The following CLPTM1L variants were observed in gnomAD, a reference collection of about 807,000 sequenced individuals.
CLPTM1L encodes lipid scramblase CLPTM1L.
CLPTM1L carries 38 observed loss-of-function variants against 70.9 expected under a neutral mutation model. That is an observed-to-expected ratio of 0.54 (90% confidence interval 0.41 to 0.70). The LOEUF is 0.70. Ranked by LOEUF, CLPTM1L falls within the 30% of genes least tolerant of loss-of-function variation. The pLI is 0.00. For missense variants in CLPTM1L, 652 were observed against 705.9 expected, an observed-to-expected ratio of 0.92 and a Z score of 0.87; for synonymous variants, 339 against 299.9, an observed-to-expected ratio of 1.13 and a Z score of -1.35.
chr5:1,331,421 G>A (rs762690537), intron 8 of CLPTM1L: 2 of 285,958 alleles, frequency 7.0e-6, no homozygotes, highest in African/African-American at 4.3e-5. Flanking sequence ...GGGAGGACGG[G>A]GCGAGGGAAC....
Position 1,322,930 on chromosome 5 carries a change from G to A in CLPTM1L, c.1281-19C>T, listed in dbSNP as rs753672415. The A allele has an allele frequency of 2.5e-6, 4 of 1,611,874 alleles. No homozygotes were observed. The highest frequency in any genetic ancestry group is 2.5e-6 in the Non-Finnish European group (3 of 1,178,048). On this transcript the variant is annotated intron_variant, in intron 12 of 16. Transcript: ENST00000320895. ...GTACCAGCTGAAACGGAAAAAAAAG[G>A]AGAAGTCCTATTTCTCGCATAGCTT...
chr5:1,330,400 C>T lies in CLPTM1L; in HGVS notation c.977-17G>A, dbSNP rs761727904. The T allele has an allele frequency of 8.1e-6, 13 of 1,609,408 alleles. No homozygotes were observed. The highest frequency in any genetic ancestry group is 7.7e-5 in the South Asian group (7 of 90,992). ...GCCAGAGCACTGGGGACAGGATGGT[C>T]GGGCTGGGAGGGGGTGCAGGGCAGA... On this transcript the variant is annotated splice_polypyrimidine_tract_variant and intron_variant, in intron 8 of 16. Transcript: ENST00000320895.
intron 2 of CLPTM1L, among the ~76,000 whole-genome samples, chr5:1,343,477 C>T (rs540850483): frequency 7.7e-4 from 117 of 152,290 alleles, no homozygotes; most frequent in Non-Finnish European, 4.9e-4. Context: ...CGGCCCGGCA[C>T]GGAAGAGGCA....
Position 1,323,827 on chromosome 5 carries a change from C to T in CLPTM1L, c.1240G>A (p.Gly414Arg), listed in dbSNP as rs1205734087. 7 of 1,613,754 alleles carry T rather than the reference C, an allele frequency of 4.3e-6. No homozygotes were observed. The highest frequency in any genetic ancestry group is 2.2e-5 in the East Asian group (1 of 44,904). Residue 414 changes from glycine (G) to arginine (R), a missense_variant, in exon 12 of 17, where the codon GGG becomes AGG. Physicochemically the swap from Gly to Arg is moderately radical, Grantham distance 125. Around this residue, in one of 3 missense-constraint regions of CLPTM1L, gnomAD observed 240 missense variants for 295.0 expected, o/e 0.81. Coordinates refer to ENST00000320895, the MANE Select transcript of CLPTM1L (RefSeq NM_030782.5). ...LSYLLYPLCV[G>R]GAVYSLLNIK... Reference sequence around the variant, plus strand: ...TTCAGGAGTGAATAGACAGCACCCCCGACACAGAGAGGGTACAGCAGGTAT... The same window carrying T: ...TTCAGGAGTGAATAGACAGCACCCCTGACACAGAGAGGGTACAGCAGGTAT...
At position 1,342,060 on chromosome 5, in the gene CLPTM1L, C is replaced by G. The variant is rs189904509; in HGVS notation, c.264-200G>C. 7.2e-6 allele frequency among the ~76,000 whole-genome samples: 1 copy of G among 139,650 alleles called. No individual in the cohort carries two copies. Among genetic ancestry groups the G allele is most frequent in the African/African-American group, 3.0e-5 (1 of 33,478 alleles). The allele number at this position is 139,650 out of a possible 152,430, so 91.6% of individuals were successfully genotyped here. A position where few individuals can be genotyped will look rare whatever the true frequency, so the allele number is the denominator to read the frequency against. ...TGTGTGCACGCGCACGCGTGCGCGTCCTGAGAACTCGGCACAGGTGTGGGC... is the reference window on the plus strand; with the variant it reads ...TGTGTGCACGCGCACGCGTGCGCGTGCTGAGAACTCGGCACAGGTGTGGGC... On this transcript the variant is annotated intron_variant, in intron 2 of 16. Coordinates refer to ENST00000320895, the MANE Select transcript of CLPTM1L (RefSeq NM_030782.5). The surrounding 1 kb of genome is among the most constrained non-coding windows in gnomAD (Gnocchi z 4.3).
At position 1,318,483 on chromosome 5, in the gene CLPTM1L, A is replaced by C. The variant is rs773502535; in HGVS notation, c.1533-30T>G. ...AATGACACAAATGAGCACATCAGCAAACCCCACTGCAGGGGCTATTTTTCT... is the reference window on the plus strand; with the variant it reads ...AATGACACAAATGAGCACATCAGCACACCCCACTGCAGGGGCTATTTTTCT... On this transcript the variant is annotated intron_variant, in intron 16 of 16. Coordinates refer to ENST00000320895, the MANE Select transcript of CLPTM1L (RefSeq NM_030782.5). The surrounding 1 kb of genome is among the most constrained non-coding windows in gnomAD (Gnocchi z 8.9). The C allele has an allele frequency of 1.3e-5, 20 of 1,578,068 alleles. No individual in the cohort carries two copies. Among genetic ancestry groups the C allele is most frequent in the Non-Finnish European group, 1.7e-5 (20 of 1,148,422 alleles).
Position 1,342,255 on chromosome 5 carries a change from C to T in CLPTM1L, c.264-395G>A, listed in dbSNP as rs773175663. 4.6e-5 allele frequency among the ~76,000 whole-genome samples: 7 copies of T among 152,282 alleles called. No individual in the cohort carries two copies. The highest frequency in any genetic ancestry group is 7.4e-5 in the Non-Finnish European group (5 of 68,018). On this transcript the variant is annotated intron_variant, in intron 2 of 16. Coordinates refer to ENST00000320895, the MANE Select transcript of CLPTM1L (RefSeq NM_030782.5). This position sits in a 1 kb window ranked among gnomAD's most constrained non-coding sequence, Gnocchi z 4.3. Reference sequence around the variant, plus strand: ...CACACTGAATCACCCAACTCCGAAGCGACAGAAGGGAAGGGCAGCAGCCAC... The same window carrying T: ...CACACTGAATCACCCAACTCCGAAGTGACAGAAGGGAAGGGCAGCAGCCAC...
rs1027999072 is a variant in CLPTM1L at position 1,321,632 on chromosome 5, C to T, written c.1416+3G>A. 1 of 1,613,596 alleles carries T rather than the reference C, an allele frequency of 6.2e-7. No homozygotes were observed. Among genetic ancestry groups the T allele is most frequent in the Non-Finnish European group, 8.5e-7 (1 of 1,179,852 alleles). Reference sequence around the variant, plus strand: ...GGGATTCCTCACCGGCTGTCACACTCACCTTGTAGGTGAAGGCCTTCCAGG... The same window carrying T: ...GGGATTCCTCACCGGCTGTCACACTTACCTTGTAGGTGAAGGCCTTCCAGG... On this transcript the variant is annotated splice_donor_region_variant and intron_variant, in intron 15 of 16. Coordinates refer to ENST00000320895, the MANE Select transcript of CLPTM1L (RefSeq NM_030782.5).
chr5:1,344,012 C>CG (rs1312495472), intron 2 of CLPTM1L, among the ~76,000 whole-genome samples: 4 of 152,346 alleles, frequency 2.6e-5, no homozygotes, highest in South Asian at 4.1e-4. Flanking sequence ...CAGGAAAAGA[C>CG]AAGTTGGTCC....
Position 1,318,471 on chromosome 5 carries a change from A to G in CLPTM1L, c.1533-18T>C. On this transcript the variant is annotated intron_variant, in intron 16 of 16. Transcript: ENST00000320895. This position sits in a 1 kb window ranked among gnomAD's most constrained non-coding sequence, Gnocchi z 8.9. Reference sequence around the variant, plus strand: ...GATAAAGCCTGCAATGACACAAATGAGCACATCAGCAAACCCCACTGCAGG... The same window carrying G: ...GATAAAGCCTGCAATGACACAAATGGGCACATCAGCAAACCCCACTGCAGG... The G allele has an allele frequency of 2.5e-6, 4 of 1,607,506 alleles. No individual in the cohort carries two copies. The highest frequency in any genetic ancestry group is 3.4e-6 in the Non-Finnish European group (4 of 1,174,728).
chr5:1,321,840 C>T (rs573023921), intron 13 of CLPTM1L, 21 bp from the exon 14 acceptor site: 4 of 1,610,516 alleles, frequency 2.5e-6, no homozygotes, highest in Non-Finnish European at 3.4e-6. Flanking sequence ...ACAGACAGCA[C>T]TCACGAGGTG....
chr5:1,342,526 A>G lies in CLPTM1L; in HGVS notation c.264-666T>C, dbSNP rs977692705. 6.6e-6 allele frequency among the ~76,000 whole-genome samples: 1 copy of G among 152,198 alleles called. No homozygotes were observed. The highest frequency in any genetic ancestry group is 2.4e-5 in the African/African-American group (1 of 41,448). On this transcript the variant is annotated intron_variant, in intron 2 of 16. Transcript: ENST00000320895. This position sits in a 1 kb window ranked among gnomAD's most constrained non-coding sequence, Gnocchi z 4.3. ...CCGCACACCAGGGCCCGACGTCCATACTACAGCCCCATGGAAAAACCTCGC... is the reference window on the plus strand; with the variant it reads ...CCGCACACCAGGGCCCGACGTCCATGCTACAGCCCCATGGAAAAACCTCGC...
rs1752340455 is a variant in CLPTM1L, at chr5:1,323,864, C to T, written c.1203G>A (p.Met401Ile). ...RKTEEYDTQA[M>I]KYLSYLLYPL... ...GGTACAGCAGGTATGACAAGTACTT[C>T]ATGGCCTGCAGGGAACAAAGATGGC... The change falls in exon 12 of 17, where the codon ATG (methionine) becomes ATA (isoleucine). Residue 401 changes from methionine to isoleucine, a missense_variant. By Grantham distance (10) the Met-to-Ile change is conservative. Transcript: ENST00000320895. 6.2e-7 allele frequency: 1 copy of T among 1,613,052 alleles called. No individual in the cohort carries two copies. Among genetic ancestry groups the T allele is most frequent in the African/African-American group, 1.3e-5 (1 of 74,918 alleles).
intron 6 of CLPTM1L, among the ~76,000 whole-genome samples, chr5:1,334,785 T>A (rs192359511): frequency 0.019 from 2,647 of 137,752 alleles, 37 homozygotes; most frequent in Non-Finnish European, 0.026. Flanking sequence ...AAACAAACAA[T>A]AAAAATAAAT....
chr5:1,324,042 G>A (rs992453177), intron 11 of CLPTM1L, 173 bp from the exon 12 acceptor site: 7 of 612,396 alleles, frequency 1.1e-5, no homozygotes, highest in East Asian at 5.5e-5. Context: ...TCGCACACTC[G>A]CCACAGCCCC....
intron 8 of CLPTM1L, chr5:1,330,595 C>T: frequency 1.8e-6 from 1 of 549,092 alleles, no homozygotes; most frequent in Non-Finnish European, 3.3e-6. Flanking sequence ...GAACAGCTGG[C>T]CCCACACCAG....
chr5:1,337,816 C>G, intron 5 of CLPTM1L, 88 bp downstream of exon 5: 4 of 1,038,062 alleles, frequency 3.9e-6, no homozygotes, highest in Non-Finnish European at 5.9e-6. Context: ...AGCAATGGCC[C>G]GGTCCATTAG....
intron 7 of CLPTM1L, among the ~76,000 whole-genome samples, chr5:1,333,695 CGCAAGA>C (rs1561244547): frequency 1.0e-3 from 35 of 35,150 alleles, no homozygotes; most frequent in Non-Finnish European, 1.4e-3. Flanking sequence ...GTAGACACAC[CGCAAGA>C]GGATAAGGGG....
intron 1 of CLPTM1L, 101 bp from the exon 2 acceptor site, chr5:1,344,552 A>T (rs1754154468): frequency 6.9e-7 from 1 of 1,459,286 alleles, no homozygotes; most frequent in Non-Finnish European, 9.4e-7. Flanking sequence ...GCCGCTGGGG[A>T]ACCAGGAAAG....
Sources: gnomAD v4.1 joint callset for allele counts (sites outside exome capture counted in the v4.1 genomes callset) on GRCh38, gnomAD v4.1.1 for gene constraint, gnomAD v4.1.1 regional missense constraint, Gnocchi (gnomAD v3.1) non-coding constraint, MANE v1.5 for transcripts, NCBI Gene and HGNC (gene_info 2026-07-23, HGNC 2026-07-21) for gene names.